The following SEMA6D variants were observed in gnomAD, a reference collection of about 807,000 sequenced individuals.
SEMA6D encodes the protein semaphorin 6D, also known as semaphorin-6D.
SEMA6D carries 35 observed loss-of-function variants against 106.6 expected under a neutral mutation model. The observed-to-expected ratio is 0.33, with a 90% confidence interval of 0.25 to 0.44. The LOEUF (loss-of-function observed/expected upper bound fraction) is 0.44. Ranked by LOEUF, SEMA6D falls within the 20% of genes least tolerant of loss-of-function variation. The pLI is 1.00. For missense variants in SEMA6D, 1,185 were observed against 1,345.9 expected (o/e 0.88, Z 1.87); for synonymous variants, 499 against 487.7 (o/e 1.02, Z -0.31).
intron 3 of SEMA6D, among the ~76,000 whole-genome samples, chr15:47,505,209 G>T (rs2044001201): frequency 6.6e-6 from 1 of 152,134 alleles, no homozygotes; most frequent in Non-Finnish European, 1.5e-5. Flanking sequence ...TTGGTCCCAG[G>T]CAGGATGTCA....
At chr15:47,515,914 A>G (rs1485819563) in intron 3 of SEMA6D, among the ~76,000 whole-genome samples, 1 of 152,154 alleles carries the variant, frequency 6.6e-6, no homozygotes, top group East Asian at 1.9e-4. Flanking sequence ...TTTTCTCACT[A>G]TGCAGTCATT....
chr15:47,503,251 G>C (rs1370098221), intron 3 of SEMA6D, among the ~76,000 whole-genome samples: 1 of 152,074 alleles, frequency 6.6e-6, no homozygotes, highest in East Asian at 1.9e-4. Flanking sequence ...ATAGCTTTCT[G>C]TATTCTCTTT....
intron 2 of SEMA6D, among the ~76,000 whole-genome samples, chr15:47,414,574 A>C (rs75707015): frequency 0.02 from 3,108 of 152,262 alleles, 116 homozygotes; most frequent in African/African-American, 0.064. Context: ...TGTATATATC[A>C]AATTATGCTT....
At chr15:47,553,399 G>T (rs2045821685) in intron 3 of SEMA6D, among the ~76,000 whole-genome samples, 1 of 152,068 alleles carries the variant, frequency 6.6e-6, no homozygotes, top group Non-Finnish European at 1.5e-5. Flanking sequence ...TAAAGTGACG[G>T]TGTCCCAGCA....
At chr15:47,459,110 T>TCATTATGTTG (rs1166653764) in intron 2 of SEMA6D, among the ~76,000 whole-genome samples, 1 of 152,042 alleles carries the variant, frequency 6.6e-6, no homozygotes, top group Non-Finnish European at 1.5e-5. Flanking sequence ...ACAGCCCCCA[T>TCATTATGTTG]CATTATGTTG....
rs568215 is a variant in SEMA6D at position 47,770,879 on chromosome 15, T to C, written c.2316T>C (p.Pro772=). Residue 772 remains proline (P), a synonymous_variant, in exon 19 of 19, where the codon CCT becomes CCC. Coordinates refer to ENST00000536845, the MANE Select transcript of SEMA6D (RefSeq NM_001358351.3). ...AACCTCCAGAGTTGGCTGCTCTTCC[T>C]ACTCCTGAGTCTACACCCGTGCTTC... ...RGQPPELAAL[P]TPESTPVLHQ... is the part of the protein sequence containing the mutation. 0.65 allele frequency: 1,049,718 copies of C among 1,613,666 alleles called. 347,312 individuals carry two copies. The highest frequency in any genetic ancestry group is 0.93 in the African/African-American group (69,940 of 74,940).
chr15:47,678,807 ATTGTAT>A (rs1431082662), intron 4 of SEMA6D, among the ~76,000 whole-genome samples: 1 of 152,108 alleles, frequency 6.6e-6, no homozygotes, highest in Non-Finnish European at 1.5e-5. Flanking sequence ...ATATTTATAT[ATTGTAT>A]TTGTATCATA....
At chr15:47,500,769 T>G (rs2043820837) in intron 3 of SEMA6D, among the ~76,000 whole-genome samples, 1 of 152,142 alleles carries the variant, frequency 6.6e-6, no homozygotes, top group African/African-American at 2.4e-5. Flanking sequence ...GATAAAAAAA[T>G]AGTTTGCCTG....
intron 1 of SEMA6D, among the ~76,000 whole-genome samples, chr15:47,240,794 C>T (rs927712899): frequency 6.6e-6 from 1 of 152,028 alleles, no homozygotes; most frequent in Admixed American, 6.6e-5. Context: ...TAGTCAAGGC[C>T]AAACATTTTG....
rs569384707 is a variant in SEMA6D at position 47,537,716 on chromosome 15, T to A, written c.-86-63149T>A. 1.6e-3 allele frequency among the ~76,000 whole-genome samples: 236 copies of A among 152,098 alleles called. 1 individual carries two copies. The highest frequency in any genetic ancestry group is 5.5e-3 in the African/African-American group (230 of 41,544). On this transcript the variant is annotated intron_variant, in intron 3 of 19. Transcript: ENST00000558014. ...TGCCTCAGAGGACCAATCATGAAGC[T>A]TGATGATAGACTGGCTACGGAGGCG...
intron 1 of SEMA6D, chr15:47,185,822 C>T (rs1384958042): frequency 1.3e-5 from 2 of 152,124 alleles, no homozygotes; most frequent in African/African-American, 4.8e-5. Flanking sequence ...ACAATGGTAT[C>T]ACCTGTTCAT....
chr15:47,512,355 T>C (rs72733851), intron 3 of SEMA6D, among the ~76,000 whole-genome samples: 5,442 of 152,242 alleles, frequency 0.036, 140 homozygotes, highest in Non-Finnish European at 0.05. Flanking sequence ...GTGATCATGA[T>C]AGAGAAAATG....
At chr15:47,507,163 C>T (rs2044069003) in intron 3 of SEMA6D, among the ~76,000 whole-genome samples, 1 of 152,128 alleles carries the variant, frequency 6.6e-6, no homozygotes, top group Admixed American at 6.5e-5. Context: ...CCACTGAGTC[C>T]ACCATATTTG....
chr15:47,282,956 A>T (rs954214288), intron 1 of SEMA6D, among the ~76,000 whole-genome samples: 3 of 152,122 alleles, frequency 2.0e-5, no homozygotes, highest in African/African-American at 7.2e-5. Context: ...CTGCCAGCCA[A>T]GCTCCTTCAT....
chr15:47,332,833 A>G (rs2037396828), intron 1 of SEMA6D, among the ~76,000 whole-genome samples: 1 of 152,178 alleles, frequency 6.6e-6, no homozygotes, highest in Non-Finnish European at 1.5e-5. Flanking sequence ...TGAATCACAG[A>G]ACAGATCTGC....
chr15:47,500,289 A>C (rs1183706941), intron 3 of SEMA6D, among the ~76,000 whole-genome samples: 2 of 145,784 alleles, frequency 1.4e-5, no homozygotes, highest in Non-Finnish European at 3.0e-5. Context: ...ACCAAATGTA[A>C]ATGGAGCTAA....
intron 1 of SEMA6D, among the ~76,000 whole-genome samples, chr15:47,199,553 G>A (rs1331775970): frequency 6.6e-6 from 1 of 152,160 alleles, no homozygotes; most frequent in Non-Finnish European, 1.5e-5. Flanking sequence ...GGGTCCTTGT[G>A]TATGTGTGTG....
chr15:47,730,930 CA>C, intron 1 of SEMA6D: 1 of 759,208 alleles, frequency 1.3e-6, no homozygotes, highest in Non-Finnish European at 2.3e-6. Flanking sequence ...TCTTTCCTTT[CA>C]GCATCTTGGG....
At chr15:47,303,109 T>C (rs1318573685) in intron 1 of SEMA6D, among the ~76,000 whole-genome samples, 1 of 152,216 alleles carries the variant, frequency 6.6e-6, no homozygotes, top group Non-Finnish European at 1.5e-5. Flanking sequence ...AATAGCCTTT[T>C]CTTTTAGAAT....
Sources: allele counts gnomAD v4.1 joint callset (sites outside exome capture counted in the v4.1 genomes callset), GRCh38; gene constraint gnomAD v4.1.1; transcripts MANE v1.5; gene names NCBI Gene and HGNC (gene_info 2026-07-23, HGNC 2026-07-21).